Variants in TUSC3 observed in about 807,000 individuals in gnomAD.
TUSC3 encodes the protein tumor suppressor candidate 3.
TUSC3 carries 45 observed loss-of-function variants against 44.8 expected under a neutral mutation model. The observed-to-expected ratio is 1.00, with a 90% CI of 0.79 to 1.29. The LOEUF is 1.29. Ranked by LOEUF, TUSC3 falls within the 50% of genes most tolerant of loss-of-function variation. The probability of loss-of-function intolerance (pLI) is 0.00; values close to 1 mark genes in which losing one functional copy is unlikely to be tolerated. For synonymous variants in TUSC3, 212 were observed against 152.9 expected, an observed-to-expected ratio of 1.39 and a Z score of -2.85; for missense variants, 519 against 437.9, an observed-to-expected ratio of 1.19 and a Z score of -1.65.
chr8:15,708,290 A>C lies in TUSC3; in HGVS notation c.799-22376A>C, dbSNP rs374673017. Among the ~76,000 whole-genome samples the C allele has an allele frequency of 2.6e-5, 4 of 152,020 alleles. No individual in the cohort carries two copies. The South Asian group carries it at 8.3e-4, about 31-fold the overall frequency. On this transcript the variant is annotated intron_variant, in intron 6 of 10. Coordinates refer to ENST00000503731, the MANE Select transcript of TUSC3 (RefSeq NM_006765.4). The stretch of plus-strand genomic sequence containing the variant: ...ATGGAGTGTGGAGGAATACTGAGAA[A>C]GTTGATTGGGAATAGATTAGGAAAA...
chr8:15,698,076 A>G (rs997465014), intron 6 of TUSC3, among the ~76,000 whole-genome samples: 20 of 152,206 alleles, frequency 1.3e-4, no homozygotes, highest in Admixed American at 2.0e-4. Context: ...GTTCTTTACT[A>G]TAACTTATAC....
intron 1 of TUSC3, among the ~76,000 whole-genome samples, chr8:15,546,274 T>C (rs530620948): frequency 6.6e-6 from 1 of 151,902 alleles, no homozygotes; most frequent in East Asian, 2.0e-4. Context: ...TGTTTTCTCA[T>C]TGCTGTTTTA....
upstream of TUSC3, among the ~76,000 whole-genome samples, chr8:15,537,618 G>A (rs1456482595): frequency 1.4e-4 from 21 of 152,148 alleles, no homozygotes; most frequent in East Asian, 3.9e-3. Flanking sequence ...TTACAAAATG[G>A]GAGACAGAAA....
Position 15,496,804 on chromosome 8 carries a change from C to G in TUSC3, n.189+13321C>G, listed in dbSNP as rs534399269. 6.0e-4 allele frequency among the ~76,000 whole-genome samples: 92 copies of G among 152,316 alleles called. 2 individuals are homozygous for G. In the South Asian group the frequency reaches 0.017, roughly 27 times the overall value. ...TACTATTTCCCCCATATTTCTCACA[C>G]TCACGATACATCACACCAACTAATT... On this transcript the variant is annotated intron_variant and non_coding_transcript_variant, in intron 2 of 5. Transcript: ENST00000503191.
chr8:15,768,570 C>G (rs955053690), downstream of TUSC3, among the ~76,000 whole-genome samples: 4 of 151,890 alleles, frequency 2.6e-5, no homozygotes, highest in African/African-American at 9.7e-5. Context: ...CTAAAGGAAA[C>G]AGAGAATGAT....
chr8:15,627,515 C>T (rs546137667), intron 2 of TUSC3, among the ~76,000 whole-genome samples: 2 of 152,242 alleles, frequency 1.3e-5, no homozygotes, highest in Non-Finnish European at 2.9e-5. Flanking sequence ...AGGGCTGGAA[C>T]ATGCCCCTCG....
rs118124159 is a variant in TUSC3, at chr8:15,545,131, G to A, written c.138+4563G>A. On this transcript the variant is annotated intron_variant, in intron 1 of 10. Transcript: ENST00000503731. The stretch of plus-strand genomic sequence containing the variant: ...GAGAGTTTGTCATATGCCTGATGTC[G>A]TACAGTTAGAGGCTGAGTTATAACT... Among the ~76,000 whole-genome samples the A allele has an allele frequency of 1.5e-4, 22 of 151,472 alleles. 1 individual carries two copies. The East Asian group carries it at 3.3e-3, about 23-fold the overall frequency.
At chr8:15,832,625 G>A in the TUSC3 span, among the ~76,000 whole-genome samples, 2 of 152,032 alleles carry the variant, frequency 1.3e-5, no homozygotes, top group African/African-American at 2.4e-5. Flanking sequence ...AAAAGCAAAG[G>A]TTGCAATCTT....
At chr8:15,504,985 C>T (rs766328879) in intron 2 of TUSC3, among the ~76,000 whole-genome samples, 24 of 151,906 alleles carry the variant, frequency 1.6e-4, no homozygotes, top group Non-Finnish European at 2.1e-4. Context: ...AAATGAGGTG[C>T]GGGCTTCCTA....
intron 2 of TUSC3, among the ~76,000 whole-genome samples, chr8:15,649,214 T>C (rs776780437): frequency 1.3e-5 from 2 of 152,184 alleles, no homozygotes; most frequent in Non-Finnish European, 2.9e-5. Flanking sequence ...ATACATGTTT[T>C]TTTTCGTTGC....
At chr8:15,842,951 T>C in the TUSC3 span, among the ~76,000 whole-genome samples, 1 of 152,210 alleles carries the variant, frequency 6.6e-6, no homozygotes, top group Non-Finnish European at 1.5e-5. Flanking sequence ...CATTGTTTTT[T>C]GACAGTGCTC....
chr8:15,625,514 G>A (rs996809995), intron 2 of TUSC3, among the ~76,000 whole-genome samples: 6 of 152,162 alleles, frequency 3.9e-5, no homozygotes, highest in Non-Finnish European at 5.9e-5. Flanking sequence ...CCATTTCCTC[G>A]ATGGTTAAGC....
In TUSC3 at chr8:15,496,727, G is replaced by A. The variant is rs561179278; in HGVS notation, n.189+13244G>A. 6.5e-4 allele frequency among the ~76,000 whole-genome samples: 99 copies of A among 152,198 alleles called. 1 individual carries two copies. The highest frequency in any genetic ancestry group is 3.4e-3 in the Middle Eastern group (1 of 294). On this transcript the variant is annotated intron_variant and non_coding_transcript_variant, in intron 2 of 5. Transcript: ENST00000503191. The stretch of plus-strand genomic sequence containing the variant: ...CTACATCACCTCTAAGCAAAGGAGT[G>A]TGGGTCATTTTAACAGGGAGAGCTG...
chr8:15,642,865 A>G, intron 2 of TUSC3, among the ~76,000 whole-genome samples: 1 of 152,232 alleles, frequency 6.6e-6, no homozygotes, highest in Non-Finnish European at 1.5e-5. Context: ...TACCTCTTCC[A>G]AACATTGAAT....
At chr8:15,642,436 C>G (rs912832057) in intron 2 of TUSC3, among the ~76,000 whole-genome samples, 2 of 152,234 alleles carry the variant, frequency 1.3e-5, no homozygotes. Context: ...CTGGCATACA[C>G]TAAATCTCCA....
intron 1 of TUSC3, among the ~76,000 whole-genome samples, chr8:15,419,641 T>A (rs2129114804): frequency 6.6e-6 from 1 of 152,178 alleles, no homozygotes; most frequent in South Asian, 2.1e-4. Context: ...CAAACACAAA[T>A]GTCAAAGGTG....
At chr8:15,613,042 A>G (rs950370227) in intron 1 of TUSC3, among the ~76,000 whole-genome samples, 10 of 143,758 alleles carry the variant, frequency 7.0e-5, no homozygotes, top group Non-Finnish European at 1.2e-4. Context: ...TCGCATATCA[A>G]TATAAGCCAT....
intron 1 of TUSC3, among the ~76,000 whole-genome samples, chr8:15,417,909 C>G (rs556454478): frequency 6.6e-6 from 1 of 152,050 alleles, no homozygotes; most frequent in Non-Finnish European, 1.5e-5. Flanking sequence ...GGTACAGGAG[C>G]CTGCCGATAT....
the TUSC3 span, among the ~76,000 whole-genome samples, chr8:15,849,880 C>T: frequency 1.2e-4 from 18 of 152,116 alleles, no homozygotes; most frequent in East Asian, 3.9e-4. Flanking sequence ...TCCAGTGATC[C>T]GGAGCATCAC....
Sources: gnomAD v4.1 joint callset for allele counts (sites outside exome capture counted in the v4.1 genomes callset) on GRCh38, gnomAD v4.1.1 for gene constraint, MANE v1.5 for transcripts, NCBI Gene and HGNC (gene_info 2026-07-23, HGNC 2026-07-21) for gene names.